Variants in ATXN2 observed in about 807,000 individuals in gnomAD.
ATXN2 encodes ataxin 2.
In ATXN2, 37 loss-of-function variants were observed where a neutral mutation model predicts 138.6. That is an observed-to-expected ratio of 0.27 (90% confidence interval 0.21 to 0.35). The LOEUF (loss-of-function observed/expected upper bound fraction) is 0.35. Ranked by LOEUF, ATXN2 falls within the 10% of genes least tolerant of loss-of-function variation. ATXN2 has a pLI of 1.00. For synonymous variants in ATXN2, 549 were observed against 543.7 expected, an observed-to-expected ratio of 1.01 and a Z score of -0.13; for missense variants, 1,216 against 1,480.3, an observed-to-expected ratio of 0.82 and a Z score of 2.93.
rs114320862 is a variant in ATXN2, at chr12:111,453,544, C to T, written c.3439+133G>A. ...GCTGAACTGATCGTCACAGTCCCTC[C>T]TGTGCACACTCCTGGACGGGTCTTG... On this transcript the variant is annotated intron_variant, in intron 24 of 24. Transcript: ENST00000673436. This position sits in a 1 kb window ranked among gnomAD's most constrained non-coding sequence, Gnocchi z 5.4. The T allele has an allele frequency of 2.2e-3, 3,162 of 1,414,614 alleles. 80 individuals are homozygous for T. In the African/African-American group the frequency reaches 0.042, roughly 19 times the overall value. The allele number at this position is 1,414,614 out of a possible 1,614,324, so 87.6% of individuals were successfully genotyped here. A position where few individuals can be genotyped will look rare whatever the true frequency, so the allele number is the denominator to read the frequency against.
chr12:111,465,533 A>G (rs963610044), intron 20 of ATXN2, among the ~76,000 whole-genome samples: 6 of 152,014 alleles, frequency 3.9e-5, no homozygotes, highest in Non-Finnish European at 8.8e-5. Flanking sequence ...GCACTTTGGG[A>G]GGCCTAGGCA....
chr12:111,500,763 G>C (rs1156441725), intron 14 of ATXN2, among the ~76,000 whole-genome samples: 1 of 152,090 alleles, frequency 6.6e-6, no homozygotes, highest in Non-Finnish European at 1.5e-5. Flanking sequence ...GTTCCAGCTA[G>C]TCAGGAGGCT....
chr12:111,521,771 G>A (rs768379715), intron 6 of ATXN2, among the ~76,000 whole-genome samples: 5 of 152,016 alleles, frequency 3.3e-5, no homozygotes, highest in South Asian at 2.1e-4. Flanking sequence ...TTTTTGGTGG[G>A]GGGGAGCCAG....
At chr12:111,488,039 C>T (rs1433998394) in intron 15 of ATXN2, among the ~76,000 whole-genome samples, 3 of 152,104 alleles carry the variant, frequency 2.0e-5, no homozygotes, top group African/African-American at 7.2e-5. Context: ...TAAACATTAA[C>T]TAAAACACAG....
At chr12:111,459,472 G>A (rs1486124437) in intron 21 of ATXN2, among the ~76,000 whole-genome samples, 4 of 152,156 alleles carry the variant, frequency 2.6e-5, no homozygotes, top group South Asian at 2.1e-4. Flanking sequence ...ACAGAGTCTC[G>A]CTCTGTTGCC....
At chr12:111,484,687 C>T (rs1186001561) in intron 18 of ATXN2, among the ~76,000 whole-genome samples, 1 of 152,058 alleles carries the variant, frequency 6.6e-6, no homozygotes, top group Non-Finnish European at 1.5e-5. Context: ...ACACCCACCT[C>T]GGCCTCCCAA....
intron 10 of ATXN2, among the ~76,000 whole-genome samples, chr12:111,515,529 C>T (rs761261676): frequency 6.6e-6 from 1 of 152,076 alleles, no homozygotes; most frequent in Non-Finnish European, 1.5e-5. Context: ...ATTCATATGT[C>T]GTTTTTATCA....
At chr12:111,482,352 G>A (rs1170056411) in intron 18 of ATXN2, among the ~76,000 whole-genome samples, 2 of 151,822 alleles carry the variant, frequency 1.3e-5, no homozygotes, top group Non-Finnish European at 2.9e-5. Context: ...CTGCCACCAC[G>A]CTCAGCTAAT....
Position 111,580,455 on chromosome 12 carries a change from ATGAT to A in ATXN2, c.251+18325_251+18328del, listed in dbSNP as rs1266664303. On this transcript the variant is annotated intron_variant, in intron 1 of 24. Transcript: ENST00000673436. ...CGAGGTTACACAGTTACAGTAAGCT[ATGAT>A]CGTGCCACTACACTCCACCCTGAGC... 1.1e-4 allele frequency among the ~76,000 whole-genome samples: 17 copies of A among 151,096 alleles called. 1 individual carries two copies. In the East Asian group the frequency reaches 2.7e-3, roughly 24 times the overall value.
chr12:111,527,033 T>C (rs1208327397), intron 5 of ATXN2, among the ~76,000 whole-genome samples: 1 of 152,216 alleles, frequency 6.6e-6, no homozygotes, highest in Admixed American at 6.5e-5. Flanking sequence ...CTAATGTTAT[T>C]GAAGAGTACT....
intron 1 of ATXN2, among the ~76,000 whole-genome samples, chr12:111,558,899 T>G (rs949376491): frequency 1.3e-5 from 2 of 150,644 alleles, no homozygotes; most frequent in Admixed American, 6.6e-5. Context: ...AGCTGGGTGA[T>G]AGGTGTGCAG....
chr12:111,525,419 A>G (rs764605947), intron 5 of ATXN2, 103 bp from the exon 6 acceptor site: 8 of 1,231,768 alleles, frequency 6.5e-6, no homozygotes, highest in Middle Eastern at 2.2e-4. Flanking sequence ...ACAATTACGA[A>G]AAATGAATTT....
intron 1 of ATXN2, among the ~76,000 whole-genome samples, chr12:111,577,547 G>T (rs1409044222): frequency 6.6e-6 from 1 of 152,104 alleles, no homozygotes; most frequent in Non-Finnish European, 1.5e-5. Flanking sequence ...TTACAGGCAT[G>T]AGCCACCGGG....
intron 21 of ATXN2, chr12:111,457,587 A>G: frequency 4.9e-6 from 2 of 407,090 alleles, no homozygotes; most frequent in East Asian, 8.2e-5. Context: ...TACATATGAT[A>G]TTAAAATCAA....
chr12:111,555,714 TAC>T (rs1013435179), intron 2 of ATXN2, among the ~76,000 whole-genome samples, 167 bp downstream of exon 2: 22 of 145,856 alleles, frequency 1.5e-4, no homozygotes, highest in African/African-American at 5.9e-4. Context: ...GTACATTTTA[TAC>T]AGAGTCATTA....
At chr12:111,464,826 T>C in intron 20 of ATXN2, 111 bp from the exon 21 acceptor site, 1 of 807,648 alleles carries the variant, frequency 1.2e-6, no homozygotes, top group South Asian at 1.6e-5. Flanking sequence ...GCATAATTCA[T>C]TTTCATAAGA....
chr12:111,526,212 TG>T (rs1386823615), intron 5 of ATXN2, among the ~76,000 whole-genome samples: 1 of 151,140 alleles, frequency 6.6e-6, no homozygotes, highest in African/African-American at 2.4e-5. Context: ...AAAAATTAGT[TG>T]GGCATGGTGG....
chr12:111,503,169 A>C (rs929064573), intron 14 of ATXN2, among the ~76,000 whole-genome samples: 26 of 152,242 alleles, frequency 1.7e-4, no homozygotes, highest in Non-Finnish European at 2.6e-4. Context: ...GCCTAAATGA[A>C]GGACTACAGA....
chr12:111,535,771 T>A (rs596853), intron 5 of ATXN2, among the ~76,000 whole-genome samples: 153 of 151,598 alleles, frequency 1.0e-3, no homozygotes, highest in African/African-American at 3.5e-3. Context: ...GAGGCCGAGG[T>A]GGGCGGATCA....
Sources: gnomAD v4.1 joint callset for allele counts (sites outside exome capture counted in the v4.1 genomes callset) on GRCh38, gnomAD v4.1.1 for gene constraint, Gnocchi (gnomAD v3.1) non-coding constraint, MANE v1.5 for transcripts, NCBI Gene and HGNC (gene_info 2026-07-23, HGNC 2026-07-21) for gene names.